Variants in COL6A6 observed in about 807,000 individuals in gnomAD.
COL6A6 encodes the protein collagen type VI alpha 6 chain.
COL6A6 carries 183 observed loss-of-function variants against 208.6 expected under a neutral mutation model. That is an observed-to-expected ratio of 0.88 (90% CI 0.78 to 0.99). The LOEUF is 0.99. Ranked by LOEUF, COL6A6 falls within the 50% of genes least tolerant of loss-of-function variation. The probability of loss-of-function intolerance (pLI) is 0.00; values close to 1 mark genes in which losing one functional copy is unlikely to be tolerated. For missense variants in COL6A6, 2,816 were observed against 2,815.2 expected, an observed-to-expected ratio of 1.00 and a Z score of -0.01; for synonymous variants, 973 against 1,011.8, an observed-to-expected ratio of 0.96 and a Z score of 0.73.
intron 8 of COL6A6, among the ~76,000 whole-genome samples, chr3:130,580,716 CTAAT>C (rs1285146819): frequency 6.6e-6 from 1 of 152,222 alleles, no homozygotes; most frequent in East Asian, 1.9e-4. Flanking sequence ...TTATTGTTCT[CTAAT>C]TAACTGCCTT....
chr3:130,610,912 G>C (rs2064338204), intron 23 of COL6A6, among the ~76,000 whole-genome samples: 1 of 152,122 alleles, frequency 6.6e-6, no homozygotes, highest in Admixed American at 6.5e-5. Flanking sequence ...CACAGAGGTA[G>C]AAAATCTAGC....
At chr3:130,562,184 C>T (rs1405675666) in intron 2 of COL6A6, among the ~76,000 whole-genome samples, 1 of 152,176 alleles carries the variant, frequency 6.6e-6, no homozygotes, top group Non-Finnish European at 1.5e-5. Context: ...CATTACTAAA[C>T]AACAGTTAGT....
chr3:130,565,641 T>C (rs2063001501), intron 4 of COL6A6, 27 bp downstream of exon 4: 1 of 1,572,464 alleles, frequency 6.4e-7, no homozygotes, highest in Non-Finnish European at 8.6e-7. Flanking sequence ...AAAGAAGGGT[T>C]GTTTGGATTC....
At chr3:130,570,310 C>A (rs1032274590) in intron 6 of COL6A6, among the ~76,000 whole-genome samples, 1 of 152,272 alleles carries the variant, frequency 6.6e-6, no homozygotes, top group East Asian at 1.9e-4. Context: ...GAAAAAGTAA[C>A]TTTGAAAAGT....
At chr3:130,637,509 G>A (rs921624364) in intron 28 of COL6A6, among the ~76,000 whole-genome samples, 1 of 151,798 alleles carries the variant, frequency 6.6e-6, no homozygotes, top group Non-Finnish European at 1.5e-5. Flanking sequence ...TTCTTAACTT[G>A]CTCTTTCCAC....
intron 20 of COL6A6, among the ~76,000 whole-genome samples, chr3:130,606,650 A>G (rs2064191054): frequency 6.6e-6 from 1 of 152,216 alleles, no homozygotes; most frequent in Non-Finnish European, 1.5e-5. Context: ...CAGAGAACAA[A>G]TTATTGACCA....
At chr3:130,673,262 T>C (rs375577991) in intron 36 of COL6A6, among the ~76,000 whole-genome samples, 12 of 135,650 alleles carry the variant, frequency 8.8e-5, no homozygotes, top group African/African-American at 3.3e-4. Flanking sequence ...ACATATAACA[T>C]AGTGAAAAAC....
At chr3:130,654,053 G>T (rs531579703) in intron 33 of COL6A6, among the ~76,000 whole-genome samples, 88 of 152,272 alleles carry the variant, frequency 5.8e-4, no homozygotes, top group Non-Finnish European at 1.0e-3. Flanking sequence ...TTAGCAAATG[G>T]CAGCAATGTT....
At chr3:130,580,917 G>A (rs542667742) in intron 8 of COL6A6, among the ~76,000 whole-genome samples, 1 of 152,258 alleles carries the variant, frequency 6.6e-6, no homozygotes, top group East Asian at 1.9e-4. Flanking sequence ...CTTTGACATG[G>A]TCGAATGTGA....
chr3:130,592,439 G>A (rs1014786678), intron 13 of COL6A6, 102 bp from the exon 14 acceptor site: 25 of 809,334 alleles, frequency 3.1e-5, no homozygotes, highest in Admixed American at 2.5e-4. Context: ...TGTGAACCAT[G>A]AGCATTCACA....
At chr3:130,518,765 C>T (rs900266140) in intron 1 of COL6A6, among the ~76,000 whole-genome samples, 4 of 152,126 alleles carry the variant, frequency 2.6e-5, no homozygotes, top group African/African-American at 9.7e-5. Context: ...CTCAGCCTCC[C>T]AAAGTGCTGG....
At chr3:130,516,818 C>T (rs141259511), upstream of COL6A6, among the ~76,000 whole-genome samples, 1,252 of 152,262 alleles carry the variant, frequency 8.2e-3, 21 homozygotes, top group African/African-American at 0.029. Flanking sequence ...AGAATACAGG[C>T]AAAGCCGCCA....
chr3:130,651,182 T>C (rs936406991), intron 33 of COL6A6, among the ~76,000 whole-genome samples: 2 of 151,996 alleles, frequency 1.3e-5, no homozygotes, highest in Non-Finnish European at 2.9e-5. Context: ...AATCCCAGCA[T>C]TTTGGGAGGC....
intron 8 of COL6A6, among the ~76,000 whole-genome samples, chr3:130,580,624 A>G (rs2063396547): frequency 6.6e-6 from 1 of 152,244 alleles, no homozygotes; most frequent in South Asian, 2.1e-4. Flanking sequence ...AGCAAGCTGT[A>G]TGTGTTCAGT....
In COL6A6 at chr3:130,581,874, A is replaced by G. The variant is rs747624250; in HGVS notation, c.3861A>G (p.Thr1287=). Reference sequence around the variant, plus strand: ...ACCTCTTGGATTCTCTATGGGATACATTTCAGAATAAATCAGCTGCTCGAG... The same window carrying G: ...ACCTCTTGGATTCTCTATGGGATACGTTTCAGAATAAATCAGCTGCTCGAG... ...NANLLDSLWD[T]FQNKSAARGK... is the part of the protein sequence containing the mutation. Residue 1287 remains threonine, a synonymous_variant, in exon 9 of 37, where the codon ACA becomes ACG. Coordinates refer to ENST00000358511, the MANE Select transcript of COL6A6 (RefSeq NM_001102608.3). 8 of 1,609,306 alleles carry G rather than the reference A, an allele frequency of 5.0e-6. No homozygotes were observed. The highest frequency in any genetic ancestry group is 4.0e-5 in the African/African-American group (3 of 74,772).
intron 1 of COL6A6, among the ~76,000 whole-genome samples, chr3:130,542,173 T>G (rs1343253286): frequency 6.6e-6 from 1 of 151,936 alleles, no homozygotes; most frequent in Non-Finnish European, 1.5e-5. Flanking sequence ...TTTTATTTTT[T>G]TCCTCTTTTT....
In COL6A6 at chr3:130,567,144, C is replaced by T. The variant is rs1257188291; in HGVS notation, c.1725C>T (p.Ala575=). The change falls in exon 5 of 37, where the codon GCC becomes GCT. Residue 575 remains alanine (A), a synonymous_variant. Coordinates refer to ENST00000358511, the MANE Select transcript of COL6A6 (RefSeq NM_001102608.3). ...TTTATGCTATCGGGATCAAGGAGGC[C>T]AACCAAACACAGCTGAGAGAAATTG... The part of the protein sequence containing the change: ...IRVYAIGIKE[A]NQTQLREIAG... 1 of 1,613,724 alleles carries T rather than the reference C, an allele frequency of 6.2e-7. No homozygotes were observed. Among genetic ancestry groups the T allele is most frequent in the Non-Finnish European group, 8.5e-7 (1 of 1,179,862 alleles).
At chr3:130,547,962 T>C (rs2107786331) in intron 1 of COL6A6, among the ~76,000 whole-genome samples, 1 of 152,312 alleles carries the variant, frequency 6.6e-6, no homozygotes, top group Non-Finnish European at 1.5e-5. Context: ...CATGTCTGAC[T>C]AAATTTTGTA....
intron 17 of COL6A6, 141 bp downstream of exon 17, chr3:130,593,393 T>C: frequency 1.4e-6 from 1 of 704,664 alleles, no homozygotes; most frequent in South Asian, 1.7e-5. Context: ...ACGATGAACA[T>C]TTATTTCTTA....
Sources: allele counts gnomAD v4.1 joint callset (sites outside exome capture counted in the v4.1 genomes callset), GRCh38; gene constraint gnomAD v4.1.1; transcripts MANE v1.5; gene names NCBI Gene and HGNC (gene_info 2026-07-23, HGNC 2026-07-21).